The following CCDC191 variants were observed in gnomAD, a reference collection of about 807,000 sequenced individuals.
CCDC191 encodes the protein coiled-coil domain-containing protein 191.
CCDC191 carries 99 observed loss-of-function variants against 114.0 expected under a neutral mutation model. The observed-to-expected ratio is 0.87, with a 90% CI of 0.74 to 1.03. CCDC191 has a LOEUF of 1.03. Among genes scored for constraint, CCDC191 ranks in the 50% least tolerant of loss-of-function variants. The pLI is 0.00. For synonymous variants in CCDC191, 351 were observed against 376.0 expected, an observed-to-expected ratio of 0.93 and a Z score of 0.77; for missense variants, 973 against 1,087.0, an observed-to-expected ratio of 0.90 and a Z score of 1.47.
rs1469463343 is a variant in CCDC191 at position 114,036,682 on chromosome 3, G to T, written c.520C>A (p.Leu174Ile). 1.9e-6 allele frequency: 3 copies of T among 1,603,508 alleles called. No homozygotes were observed. The highest frequency in any genetic ancestry group is 2.6e-6 in the Non-Finnish European group (3 of 1,174,194). ...NVVDSAMMED[L>I]GRKENQDKKQ... ...TTGTCTTGGTTTTCCTTCCTTCCAAGATCTTCCATCATTGCAGAATCTACC... is the reference window on the plus strand; with the variant it reads ...TTGTCTTGGTTTTCCTTCCTTCCAATATCTTCCATCATTGCAGAATCTACC... The change falls in exon 5 of 17, where the codon CTT (leucine) becomes ATT (isoleucine). Residue 174 changes from leucine to isoleucine, a missense_variant. By Grantham distance (5) the Leu-to-Ile change is conservative. Coordinates refer to ENST00000295878, the MANE Select transcript of CCDC191 (RefSeq NM_020817.2).
At chr3:113,998,230 C>A (rs573436979) in intron 13 of CCDC191, among the ~76,000 whole-genome samples, 1 of 148,422 alleles carries the variant, frequency 6.7e-6, no homozygotes, top group Non-Finnish European at 1.5e-5. Context: ...CACTTGAACC[C>A]GGGAGGCGGA....
chr3:113,983,823 G>A (rs1342112229), intron 13 of CCDC191, among the ~76,000 whole-genome samples: 1 of 152,142 alleles, frequency 6.6e-6, no homozygotes, highest in African/African-American at 2.4e-5. Context: ...AACTTCAACT[G>A]TCCATCAATC....
chr3:114,018,799 C>T lies in CCDC191; in HGVS notation c.1042G>A (p.Gly348Arg). The change falls in exon 8 of 17, where the codon GGG becomes AGG. Residue 348 changes from glycine to arginine, a missense_variant. Gly to Arg is a moderately radical substitution (Grantham distance 125, BLOSUM62 -2). Coordinates refer to ENST00000295878, the MANE Select transcript of CCDC191 (RefSeq NM_020817.2). ...TGAATCTTCCAGTCAGACAGGGTCCCAGCTTTCCCCAGCTTAATCCTATGA... is the reference window on the plus strand; with the variant it reads ...TGAATCTTCCAGTCAGACAGGGTCCTAGCTTTCCCCAGCTTAATCCTATGA... ...LDHRIKLGKA[G>R]TLSDWKIQLK... is the part of the protein sequence containing the mutation. 1 of 1,613,904 alleles carries T rather than the reference C, an allele frequency of 6.2e-7. No homozygotes were observed. Among genetic ancestry groups the T allele is most frequent in the Non-Finnish European group, 8.5e-7 (1 of 1,179,870 alleles).
At chr3:114,004,605 AACC>A in intron 11 of CCDC191, 29 bp downstream of exon 11, 1 of 1,537,820 alleles carries the variant, frequency 6.5e-7, no homozygotes, top group African/African-American at 1.8e-5. Flanking sequence ...AGAAGATAAC[AACC>A]ACCAAGGCCA....
rs968187611 is a variant in CCDC191, at chr3:114,033,060, G to A, written c.819-1281C>T. Among the ~76,000 whole-genome samples, 5 of 151,680 alleles carry A rather than the reference G, an allele frequency of 3.3e-5. No individual in the cohort carries two copies. In the East Asian group the frequency reaches 9.7e-4, roughly 29 times the overall value. On this transcript the variant is annotated intron_variant, in intron 6 of 16. Coordinates refer to ENST00000295878, the MANE Select transcript of CCDC191 (RefSeq NM_020817.2). ...AATATATGCTCATTGTGAAAAACTG[G>A]AGAAGTATAAAAGTCATCCATATTT... is the stretch of plus-strand genomic sequence containing the variant.
intron 8 of CCDC191, among the ~76,000 whole-genome samples, chr3:114,015,115 TC>T (rs1314189002): frequency 1.3e-5 from 2 of 151,948 alleles, no homozygotes; most frequent in Non-Finnish European, 2.9e-5. Flanking sequence ...TCTCTGTCAC[TC>T]CCACTTTGGG....
chr3:113,976,102 T>C (rs1941315276), intron 16 of CCDC191, among the ~76,000 whole-genome samples: 1 of 144,334 alleles, frequency 6.9e-6, no homozygotes, highest in African/African-American at 2.5e-5. Flanking sequence ...CTACTAAAAA[T>C]ACAAAAATTA....
intron 13 of CCDC191, among the ~76,000 whole-genome samples, chr3:113,990,100 TA>T (rs2107633706): frequency 1.3e-5 from 2 of 152,068 alleles, no homozygotes; most frequent in Admixed American, 1.3e-4. Context: ...AAATAAAAAT[TA>T]AAGCAGAAAT....
At chr3:114,025,347 AAC>A (rs2076305776) in intron 7 of CCDC191, among the ~76,000 whole-genome samples, 1 of 152,018 alleles carries the variant, frequency 6.6e-6, no homozygotes, top group South Asian at 2.1e-4. Flanking sequence ...AAAAATTATC[AAC>A]ATTCTGCCAA....
intron 4 of CCDC191, among the ~76,000 whole-genome samples, chr3:114,041,293 T>G (rs1397696773): frequency 6.6e-6 from 1 of 152,110 alleles, no homozygotes; most frequent in Admixed American, 6.5e-5. Flanking sequence ...ATAAAAAAAT[T>G]GTTGAGAGTA....
chr3:113,967,516 G>C (rs1194642758), intron 16 of CCDC191, among the ~76,000 whole-genome samples: 1 of 151,760 alleles, frequency 6.6e-6, no homozygotes, highest in Non-Finnish European at 1.5e-5. Flanking sequence ...TATTTTTATT[G>C]ATACATAATA....
At chr3:113,998,361 T>TC (rs1344939351) in intron 13 of CCDC191, among the ~76,000 whole-genome samples, 1 of 150,554 alleles carries the variant, frequency 6.6e-6, no homozygotes. Context: ...GGCAGGTCCT[T>TC]CAAGAGGTAT....
At position 114,010,831 on chromosome 3, in the gene CCDC191, C is replaced by T; in HGVS notation, c.1354G>A (p.Gly452Ser). ...LGKLSANGLS[G>S]ISLPEEATAM... ...GTTGCCTCCTCAGGTAGACTGATGC[C>T]TGATAACCCATTGGCACTGAGTTTC... The change falls in exon 9 of 17, where the codon GGC becomes AGC. Residue 452 changes from glycine (G) to serine (S), a missense_variant. Gly to Ser is a moderately conservative substitution (Grantham distance 56). Coordinates refer to ENST00000295878, the MANE Select transcript of CCDC191 (RefSeq NM_020817.2). The T allele has an allele frequency of 3.1e-6, 5 of 1,614,066 alleles. No individual in the cohort carries two copies. The highest frequency in any genetic ancestry group is 1.7e-5 in the Admixed American group (1 of 60,016).
In CCDC191 at chr3:114,025,272, A is replaced by C. The variant is rs1014182081; in HGVS notation, c.972+6354T>G. On this transcript the variant is annotated intron_variant, in intron 7 of 16. Transcript: ENST00000295878. The stretch of plus-strand genomic sequence containing the variant: ...ATTTCAACTTACCAAAAAAAAAAAA[A>C]ACAAAACCCAAACCCTATCACTGTT... Among the ~76,000 whole-genome samples, 48 of 151,666 alleles carry C rather than the reference A, an allele frequency of 3.2e-4. 1 individual carries two copies. The highest frequency in any genetic ancestry group is 3.4e-4 in the Non-Finnish European group (23 of 67,910).
chr3:114,006,615 T>TATATATATATATATATATAA (rs1371654689), intron 9 of CCDC191, among the ~76,000 whole-genome samples: 89 of 84,718 alleles, frequency 1.1e-3, no homozygotes, highest in Non-Finnish European at 1.8e-3. Flanking sequence ...TATATATATA[T>TATATATATATATATATATAA]ATAAATATAT....
chr3:113,979,163 A>C (rs1313868940), intron 14 of CCDC191, among the ~76,000 whole-genome samples, 153 bp from the exon 15 acceptor site: 1 of 152,240 alleles, frequency 6.6e-6, no homozygotes, highest in East Asian at 1.9e-4. Flanking sequence ...AAAAGCTTTG[A>C]CTGTTGACCT....
chr3:114,005,907 A>T lies in CCDC191; in HGVS notation c.1469T>A (p.Met490Lys). 6.2e-7 allele frequency: 1 copy of T among 1,614,120 alleles called. No individual in the cohort carries two copies. The highest frequency in any genetic ancestry group is 1.7e-5 in the Admixed American group (1 of 60,010). Residue 490 changes from methionine (M) to lysine (K), a missense_variant, in exon 10 of 17, where the codon ATG becomes AAG. Coordinates refer to ENST00000295878, the MANE Select transcript of CCDC191 (RefSeq NM_020817.2). Reference protein sequence around the residue: ...EKPPLGSSGCMLSPPLGRTTT... With the variant: ...EKPPLGSSGCKLSPPLGRTTT... ...TGTTCTTCCCAGGGGAGGACTGAGC[A>T]TACAACCACTGCTTCCCAAGGGAGG...
At chr3:114,052,765 T>A (rs1425946012) in intron 2 of CCDC191, among the ~76,000 whole-genome samples, 1 of 152,218 alleles carries the variant, frequency 6.6e-6, no homozygotes, top group Non-Finnish European at 1.5e-5. Context: ...TAAAAATTAT[T>A]ACATCTGGCC....
At chr3:114,004,337 T>C in intron 11 of CCDC191, 1 of 1,013,172 alleles carries the variant, frequency 9.9e-7, no homozygotes, top group South Asian at 4.3e-5. Flanking sequence ...TGTGTAATTA[T>C]TCCTTTTTTT....
Sources: allele counts gnomAD v4.1 joint callset (sites outside exome capture counted in the v4.1 genomes callset), GRCh38; gene constraint gnomAD v4.1.1; transcripts MANE v1.5; gene names NCBI Gene and HGNC (gene_info 2026-07-23, HGNC 2026-07-21).